BOK: variants seen among roughly 807,000 people sequenced by gnomAD.
The protein encoded by BOK is BCL2 family apoptosis regulator BOK, also known as bcl-2-related ovarian killer protein.
BOK carries 20 observed loss-of-function variants against 18.3 expected under a neutral mutation model. The ratio of observed to expected loss-of-function variants is 1.09; its 90% confidence interval spans 0.77 to 1.59. BOK has a LOEUF of 1.59. BOK is among the 40% of genes most tolerant of loss of function. The pLI, the probability that BOK is intolerant of heterozygous loss-of-function variation, is 0.00. For missense variants in BOK, 348 were observed against 307.9 expected (o/e 1.13, Z -0.97); for synonymous variants, 173 against 142.4 (o/e 1.21, Z -1.53).
chr2:241,558,747 C>T lies in BOK; in HGVS notation c.-276C>T, dbSNP rs1019829916. ...GAAGGCCAAGCCCCAAGCCCAGCCT[C>T]TCGCCAGCTGGGAGTCGCGCGCTGC... is the stretch of plus-strand genomic sequence containing the variant. On this transcript the variant is annotated 5_prime_UTR_variant, in exon 1 of 5. Coordinates refer to ENST00000318407, the MANE Select transcript of BOK (RefSeq NM_032515.5). 1.3e-5 allele frequency: 2 copies of T among 152,326 alleles called. No individual in the cohort carries two copies. The highest frequency in any genetic ancestry group is 1.9e-4 in the East Asian group (1 of 5,204). 9.4% of individuals were successfully genotyped at this position (152,326 alleles called of 1,614,324 possible). A position where few individuals can be genotyped will look rare whatever the true frequency, so the allele number is the denominator to read the frequency against.
Position 241,552,668 on chromosome 2 carries a change from G to A in BOK, n.54+1191G>A, listed in dbSNP as rs183554636. Among the ~76,000 whole-genome samples the A allele has an allele frequency of 5.9e-5, 9 of 152,250 alleles. No homozygotes were observed. In the East Asian group the frequency reaches 1.2e-3, roughly 20 times the overall value. On this transcript the variant is annotated intron_variant and non_coding_transcript_variant, in intron 1 of 1. Transcript: ENST00000641230. ...ATGTACTTTCCCCTGCAATGCCAGC[G>A]CGTTCAGAAACTCACATTCCACTTT...
rs2066550965 is a variant in BOK, at chr2:241,562,772, TC to T, written c.349+298del. ...ATCCGTGGGGCCGCGTGACCTGCAGTCCTGTGGGGTGGCACGTCCTAGGGCT... is the reference window on the plus strand; with the variant it reads ...ATCCGTGGGGCCGCGTGACCTGCAGTCTGTGGGGTGGCACGTCCTAGGGCT... On this transcript the variant is annotated intron_variant, in intron 3 of 4. Coordinates refer to ENST00000318407, the MANE Select transcript of BOK (RefSeq NM_032515.5). This position sits in a 1 kb window ranked among gnomAD's most constrained non-coding sequence, Gnocchi z 4.5. Among the ~76,000 whole-genome samples, 6 of 152,270 alleles carry T rather than the reference TC, an allele frequency of 3.9e-5. No homozygotes were observed. In the South Asian group the frequency reaches 1.2e-3, roughly 32 times the overall value.
At chr2:241,552,336 AC>A (rs113845567) in intron 1 of BOK, among the ~76,000 whole-genome samples, 10,496 of 152,026 alleles carry the variant, frequency 0.069, 500 homozygotes, top group South Asian at 0.18. Context: ...CACCCGCAGC[AC>A]GCCCTGCACT....
intron 3 of BOK, among the ~76,000 whole-genome samples, chr2:241,565,986 A>T (rs992402226): frequency 4.6e-5 from 7 of 152,262 alleles, no homozygotes; most frequent in African/African-American, 1.7e-4. Flanking sequence ...TAGTTTTATT[A>T]TAAGAAAAAT....
intron 4 of BOK, among the ~76,000 whole-genome samples, chr2:241,571,941 C>T (rs2066730310): frequency 6.6e-6 from 1 of 152,144 alleles, no homozygotes; most frequent in African/African-American, 2.4e-5. Context: ...TGGGGGGCAG[C>T]AGGCAGGTGG....
At chr2:241,571,502 G>C (rs2066719636) in intron 4 of BOK, among the ~76,000 whole-genome samples, 1 of 152,186 alleles carries the variant, frequency 6.6e-6, no homozygotes, top group South Asian at 2.1e-4. Context: ...GGGGGCTGTG[G>C]TCTCCTCTGA....
chr2:241,552,338 G>A (rs1396552543), intron 1 of BOK, among the ~76,000 whole-genome samples: 2 of 132,088 alleles, frequency 1.5e-5, no homozygotes, highest in African/African-American at 2.5e-5. Context: ...CCCGCAGCAC[G>A]CCCTGCACTC....
At chr2:241,554,203 G>A (rs1464324509), upstream of BOK, among the ~76,000 whole-genome samples, 1 of 152,172 alleles carries the variant, frequency 6.6e-6, no homozygotes, top group Non-Finnish European at 1.5e-5. Flanking sequence ...GGCTGGCTCT[G>A]TATGGCAGGG....
chr2:241,561,248 G>A (rs2066523093), intron 2 of BOK, among the ~76,000 whole-genome samples: 1 of 152,230 alleles, frequency 6.6e-6, no homozygotes, highest in Admixed American at 6.5e-5. Context: ...TGGCATTCTC[G>A]GCACCATCTG....
At chr2:241,557,417 C>A (rs1339758790), upstream of BOK, among the ~76,000 whole-genome samples, 2 of 150,124 alleles carry the variant, frequency 1.3e-5, no homozygotes, top group Non-Finnish European at 3.0e-5. Flanking sequence ...TCAAGCAATT[C>A]TCCTGCCTCA....
In BOK at chr2:241,572,512, C is replaced by A; in HGVS notation, c.*90C>A. ...CGAACACATCTTCCTCCTCCCCACC[C>A]GAGCCTGGAGCACTCTAACCCTCGG... On this transcript the variant is annotated 3_prime_UTR_variant, in exon 5 of 5. Coordinates refer to ENST00000318407, the MANE Select transcript of BOK (RefSeq NM_032515.5). 3 of 1,501,984 alleles carry A rather than the reference C, an allele frequency of 2.0e-6. No homozygotes were observed. Among genetic ancestry groups the A allele is most frequent in the Non-Finnish European group, 1.8e-6 (2 of 1,125,054 alleles). The allele number at this position is 1,501,984 out of a possible 1,614,324, so 93.0% of individuals were successfully genotyped here. A position where few individuals can be genotyped will look rare whatever the true frequency, so the allele number is the denominator to read the frequency against.
At position 241,570,224 on chromosome 2, in the gene BOK, T is replaced by C; in HGVS notation, c.449T>C (p.Val150Ala). The C allele has an allele frequency of 6.2e-7, 1 of 1,601,106 alleles. No individual in the cohort carries two copies. Among genetic ancestry groups the C allele is most frequent in the Non-Finnish European group, 8.5e-7 (1 of 1,175,478 alleles). Reference sequence around the variant, plus strand: ...CAGCCTGCCATGGTCCACGCCCTCGTGGACTGCCTGGGGGAGTTCGTGCGC... The same window carrying C: ...CAGCCTGCCATGGTCCACGCCCTCGCGGACTGCCTGGGGGAGTTCGTGCGC... Reference protein sequence around the residue: ...QAQPAMVHALVDCLGEFVRKT... With the variant: ...QAQPAMVHALADCLGEFVRKT... Residue 150 changes from valine to alanine, a missense_variant, in exon 4 of 5, where the codon GTG (valine) becomes GCG (alanine). Physicochemically the swap from Val to Ala is moderately conservative, Grantham distance 64 (BLOSUM62 0). Coordinates refer to ENST00000318407, the MANE Select transcript of BOK (RefSeq NM_032515.5).
chr2:241,556,295 T>C (rs2066449660), upstream of BOK, among the ~76,000 whole-genome samples: 1 of 152,280 alleles, frequency 6.6e-6, no homozygotes, highest in Admixed American at 6.5e-5. Context: ...AAGAATTCAG[T>C]CCTCCCAGGC....
chr2:241,558,800 C>G lies in BOK; in HGVS notation c.-223C>G, dbSNP rs966227993. 7 of 152,256 alleles carry G rather than the reference C, an allele frequency of 4.6e-5. No homozygotes were observed. Among genetic ancestry groups the G allele is most frequent in the Non-Finnish European group, 1.0e-4 (7 of 68,082 alleles). 9.4% of individuals were successfully genotyped at this position (152,256 alleles called of 1,614,324 possible). A position where few individuals can be genotyped will look rare whatever the true frequency, so the allele number is the denominator to read the frequency against. ...ACCTCGCTGCCCAGGCCCCCGACGC[C>G]GCGGCAGGAGCCCCCCAAGAGCGCG... On this transcript the variant is annotated 5_prime_UTR_variant, in exon 1 of 5. Coordinates refer to ENST00000318407, the MANE Select transcript of BOK (RefSeq NM_032515.5).
chr2:241,558,542 C>T (rs1274362663), upstream of BOK, among the ~76,000 whole-genome samples: 1 of 152,258 alleles, frequency 6.6e-6, no homozygotes, highest in African/African-American at 2.4e-5. Context: ...TTCAAATGGA[C>T]CCCGGGGAAC....
chr2:241,572,229 G>A, intron 4 of BOK, 68 bp from the exon 5 acceptor site: 2 of 1,585,942 alleles, frequency 1.3e-6, no homozygotes, highest in African/African-American at 1.3e-5. Flanking sequence ...GGTGCTGGGG[G>A]GCCTGGCGGT....
intron 3 of BOK, among the ~76,000 whole-genome samples, chr2:241,564,554 G>A (rs1157733369): frequency 6.6e-6 from 1 of 152,070 alleles, no homozygotes; most frequent in Non-Finnish European, 1.5e-5. Context: ...GTGGGCAGGT[G>A]GTGTGGCTCA....
Position 241,562,340 on chromosome 2 carries a change from C to A in BOK, c.221-8C>A. On this transcript the variant is annotated splice_region_variant and splice_polypyrimidine_tract_variant and intron_variant, in intron 2 of 4. Transcript: ENST00000318407. This position sits in a 1 kb window ranked among gnomAD's most constrained non-coding sequence, Gnocchi z 4.5. ...GGCTGCCTCTCACCTGCTCTTGTGA[C>A]CACACAGGCGATGAGCTGGAGATGA... is the stretch of plus-strand genomic sequence containing the variant. 1 of 1,593,222 alleles carries A rather than the reference C, an allele frequency of 6.3e-7. No individual in the cohort carries two copies. Among genetic ancestry groups the A allele is most frequent in the Non-Finnish European group, 8.5e-7 (1 of 1,170,720 alleles).
At chr2:241,569,341 C>G (rs183308321) in intron 3 of BOK, among the ~76,000 whole-genome samples, 6,743 of 152,166 alleles carry the variant, frequency 0.044, 184 homozygotes, top group Middle Eastern at 0.12. Context: ...CCATGTTGGT[C>G]AGGCTGCTCT....
Sources: allele counts gnomAD v4.1 joint callset (sites outside exome capture counted in the v4.1 genomes callset), GRCh38; gene constraint gnomAD v4.1.1; non-coding constraint Gnocchi (gnomAD v3.1); transcripts MANE v1.5; gene names NCBI Gene and HGNC (gene_info 2026-07-23, HGNC 2026-07-21).